LTBP1: variants seen among roughly 807,000 people sequenced by gnomAD.
LTBP1 encodes latent transforming growth factor beta binding protein 1.
LTBP1 carries 129 observed loss-of-function variants against 207.6 expected under a neutral mutation model. The observed-to-expected ratio is 0.62, with a 90% confidence interval of 0.54 to 0.72. The LOEUF (loss-of-function observed/expected upper bound fraction) is 0.72, where lower values mean the gene tolerates loss of function less well. Among genes scored for constraint, LTBP1 ranks in the 30% least tolerant of loss-of-function variants. LTBP1 has a pLI of 0.00. For synonymous variants in LTBP1, 963 were observed against 833.7 expected (o/e 1.16, Z -2.67); for missense variants, 2,281 against 2,217.2 (o/e 1.03, Z -0.58).
chr2:33,179,166 C>T (rs1260923807), intron 5 of LTBP1, among the ~76,000 whole-genome samples: 1 of 151,988 alleles, frequency 6.6e-6, no homozygotes, highest in Non-Finnish European at 1.5e-5. Flanking sequence ...CACAAATTTG[C>T]AAACTTTTTT....
In LTBP1 at chr2:32,947,351, G is replaced by C; in HGVS notation, c.27G>C (p.Gly9=). The change falls in exon 1 of 34, where the codon GGG becomes GGC. Residue 9 remains glycine (G), a synonymous_variant. Coordinates refer to ENST00000404816, the MANE Select transcript of LTBP1 (RefSeq NM_206943.4). MAGAWLRW[G]LLLWAGLLAS... ...TGGCGGGGGCCTGGCTCAGGTGGGGGCTCCTGCTCTGGGCAGGGCTCCTCG... is the reference window on the plus strand; with the variant it reads ...TGGCGGGGGCCTGGCTCAGGTGGGGCCTCCTGCTCTGGGCAGGGCTCCTCG... 1 of 1,266,288 alleles carries C rather than the reference G, an allele frequency of 7.9e-7. No homozygotes were observed. Among genetic ancestry groups the C allele is most frequent in the Non-Finnish European group, 9.9e-7 (1 of 1,006,570 alleles). The allele number at this position is 1,266,288 out of a possible 1,614,324, so 78.4% of individuals were successfully genotyped here.
chr2:33,189,764 G>A, intron 7 of LTBP1, among the ~76,000 whole-genome samples: 1 of 152,104 alleles, frequency 6.6e-6, no homozygotes, highest in Non-Finnish European at 1.5e-5. Flanking sequence ...TGTGGCTCAT[G>A]CCTATAATCC....
At chr2:33,254,864 T>TTTTTG (rs2092799817) in intron 11 of LTBP1, among the ~76,000 whole-genome samples, 1 of 110,874 alleles carries the variant, frequency 9.0e-6, no homozygotes, top group African/African-American at 3.4e-5. Context: ...TTTTTTTTTT[T>TTTTTG]TTTTTTTTTT....
At chr2:33,296,457 A>C (rs1191742631) in intron 20 of LTBP1, among the ~76,000 whole-genome samples, 2 of 152,078 alleles carry the variant, frequency 1.3e-5, no homozygotes, top group Non-Finnish European at 2.9e-5. Context: ...TGCTTACCTG[A>C]TGTGGCTCTT....
intron 5 of LTBP1, among the ~76,000 whole-genome samples, chr2:33,181,230 A>G (rs554132627): frequency 6.6e-6 from 1 of 152,362 alleles, no homozygotes; most frequent in African/African-American, 2.4e-5. Flanking sequence ...GGAAAGAAAG[A>G]GGCAGGGTCT....
At chr2:33,253,486 C>G (rs2092739383) in intron 11 of LTBP1, among the ~76,000 whole-genome samples, 2 of 152,132 alleles carry the variant, frequency 1.3e-5, no homozygotes, top group Non-Finnish European at 2.9e-5. Context: ...ACCAACTTCT[C>G]AAGCAGGATC....
rs561207333 is a variant in LTBP1, at chr2:33,102,687, T to G, written c.864-7895T>G. Among the ~76,000 whole-genome samples the G allele has an allele frequency of 3.9e-5, 6 of 152,368 alleles. No individual in the cohort carries two copies. The South Asian group carries it at 1.0e-3, about 26-fold the overall frequency. On this transcript the variant is annotated intron_variant, in intron 3 of 33. Transcript: ENST00000404816. ...TCCTTTCATTTTACTTTTGCTGTGT[T>G]TTTCTGGCATACTCTGGTTTTCCCA... is the stretch of plus-strand genomic sequence containing the variant.
At chr2:33,036,580 C>T (rs911925727) in intron 3 of LTBP1, among the ~76,000 whole-genome samples, 13 of 152,028 alleles carry the variant, frequency 8.6e-5, no homozygotes, top group African/African-American at 2.9e-4. Flanking sequence ...GCCTTAGCCT[C>T]CCAAGTAGCT....
At chr2:32,964,473 T>C (rs2148480183) in intron 2 of LTBP1, among the ~76,000 whole-genome samples, 1 of 152,334 alleles carries the variant, frequency 6.6e-6, no homozygotes, top group Non-Finnish European at 1.5e-5. Flanking sequence ...AGGCATTTTT[T>C]CCCCAAGGGA....
chr2:33,244,847 C>T (rs1355785149), intron 10 of LTBP1, among the ~76,000 whole-genome samples: 2 of 147,130 alleles, frequency 1.4e-5, no homozygotes, highest in Non-Finnish European at 3.0e-5. Flanking sequence ...TTCTTTCCTG[C>T]AAGTTTTTGT....
intron 26 of LTBP1, among the ~76,000 whole-genome samples, chr2:33,358,056 G>A (rs2094885306): frequency 6.6e-6 from 1 of 152,128 alleles, no homozygotes; most frequent in Non-Finnish European, 1.5e-5. Context: ...TAGGAAGATA[G>A]GGAAATTGTA....
intron 9 of LTBP1, among the ~76,000 whole-genome samples, chr2:33,234,987 T>C (rs1227897646): frequency 6.6e-6 from 1 of 152,150 alleles, no homozygotes; most frequent in Non-Finnish European, 1.5e-5. Flanking sequence ...GACATAGGCA[T>C]GGGCAAAGAC....
At chr2:33,115,894 TATA>T (rs1454534361) in intron 4 of LTBP1, among the ~76,000 whole-genome samples, 1 of 152,150 alleles carries the variant, frequency 6.6e-6, no homozygotes, top group Admixed American at 6.6e-5. Flanking sequence ...TCCTTGAGGG[TATA>T]ATAAGTGTCT....
intron 24 of LTBP1, among the ~76,000 whole-genome samples, chr2:33,330,627 T>G (rs1033901247): frequency 1.3e-5 from 2 of 151,922 alleles, no homozygotes; most frequent in African/African-American, 4.8e-5. Flanking sequence ...ATTTTCTTCT[T>G]TATTCTGTTA....
At chr2:33,178,635 C>G (rs12611532) in intron 5 of LTBP1, among the ~76,000 whole-genome samples, 78,801 of 151,914 alleles carry the variant, frequency 0.52, 20,648 homozygotes, top group African/African-American at 0.54. Context: ...TGATAGGTGG[C>G]GATGGAATGA....
chr2:33,360,292 A>G (rs1417456843), intron 26 of LTBP1, among the ~76,000 whole-genome samples: 1 of 152,212 alleles, frequency 6.6e-6, no homozygotes, highest in Admixed American at 6.5e-5. Context: ...TATGTTTGGC[A>G]AGAAAAGGAG....
chr2:33,285,035 CTTTTT>C (rs934497674), intron 19 of LTBP1, among the ~76,000 whole-genome samples: 2 of 120,124 alleles, frequency 1.7e-5, no homozygotes, highest in Non-Finnish European at 3.4e-5. Context: ...GTATCACATT[CTTTTT>C]TTTTTTTTTT....
At chr2:33,358,576 A>G (rs897644487) in intron 26 of LTBP1, among the ~76,000 whole-genome samples, 6 of 152,164 alleles carry the variant, frequency 3.9e-5, no homozygotes, top group African/African-American at 1.4e-4. Context: ...AATAAACACC[A>G]TGACATACTT....
chr2:33,295,664 T>C (rs2093860706), intron 20 of LTBP1, among the ~76,000 whole-genome samples: 1 of 152,236 alleles, frequency 6.6e-6, no homozygotes. Context: ...TTTTTTCTTA[T>C]GGCCAAATCT....
Sources: gnomAD v4.1 joint callset for allele counts (sites outside exome capture counted in the v4.1 genomes callset) on GRCh38, gnomAD v4.1.1 for gene constraint, MANE v1.5 for transcripts, NCBI Gene and HGNC (gene_info 2026-07-23, HGNC 2026-07-21) for gene names.